Variants in WASHC4 observed in about 807,000 individuals in gnomAD.
WASHC4 encodes the protein WASH complex subunit 4.
A neutral mutation model predicts 166.6 loss-of-function variants in WASHC4; 86 were observed. The ratio of observed to expected loss-of-function variants is 0.52; its 90% CI spans 0.43 to 0.62. The LOEUF (loss-of-function observed/expected upper bound fraction) is 0.62. Ranked by LOEUF, WASHC4 falls within the 20% of genes least tolerant of loss-of-function variation. WASHC4 has a pLI of 0.00. For synonymous variants in WASHC4, 446 were observed against 451.6 expected (o/e 0.99, Z 0.16); for missense variants, 1,262 against 1,382.4 (o/e 0.91, Z 1.38).
chr12:105,162,956 T>C (rs1474868113), intron 30 of WASHC4, 111 bp downstream of exon 30: 3 of 640,422 alleles, frequency 4.7e-6, no homozygotes, highest in Non-Finnish European at 8.0e-6. Context: ...TTTTTCTTTC[T>C]TTTTTCTTTT....
Position 105,107,814 on chromosome 12 carries a change from C to T in WASHC4, c.14C>T (p.Thr5Ile). ...GGCGCCGGGGTGATGGCGGTGGAGA[C>T]TCTGTCCCCGGACTGGGAGTTTGAC... MAVE[T>I]LSPDWEFDRV... Residue 5 changes from threonine to isoleucine, a missense_variant, in exon 1 of 33, where the codon ACT (threonine) becomes ATT (isoleucine). Thr to Ile is a moderately conservative substitution (Grantham distance 89). Transcript: ENST00000332180. The T allele has an allele frequency of 6.4e-7, 1 of 1,550,984 alleles. No individual in the cohort carries two copies. Among genetic ancestry groups the T allele is most frequent in the Non-Finnish European group, 8.7e-7 (1 of 1,146,558 alleles).
Position 105,142,525 on chromosome 12 carries a change from AT to A in WASHC4, c.1861del (p.Tyr621MetfsTer24). The A allele has an allele frequency of 6.2e-7, 1 of 1,603,000 alleles. No individual in the cohort carries two copies. The highest frequency in any genetic ancestry group is 8.5e-7 in the Non-Finnish European group (1 of 1,170,978). ...TCTTCCCAATTTATTTAGATGATGT[AT>A]ATGAAAATGCTGTTGATGCAGCCAG... is the stretch of plus-strand genomic sequence containing the variant. ...AVFPIYLDDVYENAVDAARLH... is the reference protein window; with the variant it reads ...AVFPIYLDDVXENAVDAARLH... On this transcript the variant is annotated frameshift_variant, in exon 19 of 33. Transcript: ENST00000332180. LOFTEE classifies it high-confidence loss of function.
chr12:105,140,935 C>T lies in WASHC4; in HGVS notation c.1597C>T (p.Arg533Cys), dbSNP rs199511335. 4.2e-5 allele frequency: 68 copies of T among 1,613,900 alleles called. No homozygotes were observed. Among genetic ancestry groups the T allele is most frequent in the Admixed American group, 1.7e-4 (10 of 59,996 alleles). Reference sequence around the variant, plus strand: ...TTCTGACAAAAAATACAGCGAACAGCGTCTTGATGTGCTCTCTGCTCTAGT... The same window carrying T: ...TTCTGACAAAAAATACAGCGAACAGTGTCTTGATGTGCTCTCTGCTCTAGT... ...VISDKKYSEQRLDVLSALVLA... is the reference protein window; with the variant it reads ...VISDKKYSEQCLDVLSALVLA... Residue 533 changes from arginine to cysteine, a missense_variant, in exon 17 of 33, where the codon CGT becomes TGT. Coordinates refer to ENST00000332180, the MANE Select transcript of WASHC4 (RefSeq NM_015275.3).
At chr12:105,151,585 G>C (rs1037816190) in intron 25 of WASHC4, among the ~76,000 whole-genome samples, 18 of 151,872 alleles carry the variant, frequency 1.2e-4, no homozygotes, top group Admixed American at 3.9e-4. Flanking sequence ...GGGTTCAAGC[G>C]ATTCTCCTGC....
Position 105,144,057 on chromosome 12 carries a change from C to T in WASHC4, c.2011-230C>T, listed in dbSNP as rs141318181. Reference sequence around the variant, plus strand: ...GTTGCTGGTTTCCATAAATTTTATGCTTTAAGTTGCATATTCATGTTCCTT... The same window carrying T: ...GTTGCTGGTTTCCATAAATTTTATGTTTTAAGTTGCATATTCATGTTCCTT... On this transcript the variant is annotated intron_variant, in intron 20 of 32. Transcript: ENST00000332180. 6.7e-3 allele frequency among the ~76,000 whole-genome samples: 1,013 copies of T among 151,488 alleles called. 4 individuals are homozygous for T. The highest frequency in any genetic ancestry group is 0.011 in the Non-Finnish European group (767 of 67,726).
chr12:105,138,788 A>G (rs1286597748), intron 15 of WASHC4, among the ~76,000 whole-genome samples: 1 of 152,166 alleles, frequency 6.6e-6, no homozygotes, highest in Non-Finnish European at 1.5e-5. Flanking sequence ...TTTATGAACT[A>G]TAAATACAGA....
intron 31 of WASHC4, 165 bp from the exon 32 acceptor site, chr12:105,164,476 C>A: frequency 2.5e-6 from 2 of 807,106 alleles, no homozygotes; most frequent in Non-Finnish European, 2.0e-6. Flanking sequence ...AGCCATTTGA[C>A]TCACATCTTA....
At chr12:105,148,444 TCA>T (rs1883487380) in intron 24 of WASHC4, 6 of 985,298 alleles carry the variant, frequency 6.1e-6, no homozygotes, top group African/African-American at 1.7e-5. Context: ...TTCACAGTAA[TCA>T]CAGGGATATA....
rs985241522 is a variant in WASHC4, at chr12:105,157,275, A to G, written c.2865A>G (p.Glu955=). The G allele has an allele frequency of 2.6e-6, 4 of 1,568,042 alleles. No homozygotes were observed. The African/African-American group carries it at 4.1e-5, about 16-fold the overall frequency. Residue 955 remains glutamate (E), a synonymous_variant, in exon 28 of 33, where the codon GAA becomes GAG. Coordinates refer to ENST00000332180, the MANE Select transcript of WASHC4 (RefSeq NM_015275.3). ...PDLEDIVNFE[E]LVKEEGLAEE... Reference sequence around the variant, plus strand: ...TTGAAGATATTGTAAATTTTGAAGAACTAGTAAAAGAAGAAGGTCTTGCAG... The same window carrying G: ...TTGAAGATATTGTAAATTTTGAAGAGCTAGTAAAAGAAGAAGGTCTTGCAG...
intron 12 of WASHC4, among the ~76,000 whole-genome samples, chr12:105,126,695 T>C (rs1163697073): frequency 6.6e-6 from 1 of 152,040 alleles, no homozygotes; most frequent in Non-Finnish European, 1.5e-5. Context: ...TTCTATGTCT[T>C]TGCTATTTTC....
At chr12:105,125,928 T>G in intron 10 of WASHC4, 76 bp from the exon 11 acceptor site, 5 of 1,367,044 alleles carry the variant, frequency 3.7e-6, no homozygotes, top group Admixed American at 1.8e-5. Context: ...ATACACTGTA[T>G]TTAGTGTATG....
At chr12:105,147,259 T>A in intron 24 of WASHC4, 113 bp downstream of exon 24, 1 of 716,538 alleles carries the variant, frequency 1.4e-6, no homozygotes. Context: ...ATATTTTACA[T>A]GAATTTCCAT....
rs780221456 is a variant in WASHC4, at chr12:105,164,162, T to C, written c.3209T>C (p.Leu1070Pro). The C allele has an allele frequency of 1.2e-6, 2 of 1,614,158 alleles. No homozygotes were observed. The highest frequency in any genetic ancestry group is 3.3e-5 in the Admixed American group (2 of 60,028). ...GATCAGTATCGGGAGTTTGATTCAC[T>C]TCACTGGTTCCAGTCTGTTAGAGAG... is the stretch of plus-strand genomic sequence containing the variant. The part of the protein sequence containing the change: ...LLDQYREFDS[L>P]HWFQSVREKY... Residue 1070 changes from leucine (L) to proline (P), a missense_variant, in exon 31 of 33, where the codon CTT (leucine) becomes CCT (proline). Physicochemically the swap from Leu to Pro is moderately conservative, Grantham distance 98. Coordinates refer to ENST00000332180, the MANE Select transcript of WASHC4 (RefSeq NM_015275.3).
At chr12:105,115,354 T>C in intron 5 of WASHC4, 125 bp downstream of exon 5, 1 of 750,134 alleles carries the variant, frequency 1.3e-6, no homozygotes, top group South Asian at 1.6e-5. Flanking sequence ...ATATTTTTTG[T>C]TGGTATGTTT....
At chr12:105,115,338 G>A in intron 5 of WASHC4, 109 bp downstream of exon 5, 1 of 793,854 alleles carries the variant, frequency 1.3e-6, no homozygotes, top group Non-Finnish European at 2.2e-6. Flanking sequence ...AGAAAAATAA[G>A]TATTCATATT....
intron 13 of WASHC4, among the ~76,000 whole-genome samples, chr12:105,130,430 C>T (rs1881692373): frequency 6.6e-6 from 1 of 152,216 alleles, no homozygotes; most frequent in African/African-American, 2.4e-5. Context: ...CTTTCAAAGA[C>T]TTATCACATG....
intron 29 of WASHC4, among the ~76,000 whole-genome samples, chr12:105,160,393 G>A (rs1884424289): frequency 6.6e-6 from 1 of 152,022 alleles, no homozygotes; most frequent in Admixed American, 6.5e-5. Flanking sequence ...TGTCACCCAG[G>A]CTGGAGTGCA....
chr12:105,120,567 A>C lies in WASHC4; in HGVS notation c.531A>C (p.Lys177Asn), dbSNP rs1880636382. 6.2e-7 allele frequency: 1 copy of C among 1,602,268 alleles called. No individual in the cohort carries two copies. The highest frequency in any genetic ancestry group is 8.6e-7 in the Non-Finnish European group (1 of 1,169,526). Residue 177 changes from lysine (K) to asparagine (N), a missense_variant, in exon 8 of 33, where the codon AAA becomes AAC. Lys to Asn is a moderately conservative substitution (Grantham distance 94). Transcript: ENST00000332180. ...TATTTTATTATAGGATTGCACCCAA[A>C]ATTATAGAGACAACTGGAGTTCATT... ...ALYISNKIAP[K>N]IIETTGVHFQ...
intron 22 of WASHC4, among the ~76,000 whole-genome samples, chr12:105,146,121 A>AG (rs565460925): frequency 1.2e-4 from 19 of 152,296 alleles, no homozygotes; most frequent in African/African-American, 4.1e-4. Flanking sequence ...TCTGGCTACT[A>AG]GTTTACTTTG....
Sources: allele counts gnomAD v4.1 joint callset (sites outside exome capture counted in the v4.1 genomes callset), GRCh38; gene constraint gnomAD v4.1.1; transcripts MANE v1.5; gene names NCBI Gene and HGNC (gene_info 2026-07-23, HGNC 2026-07-21).